Variants in PRKCH observed in about 807,000 individuals in gnomAD.
The protein encoded by PRKCH is protein kinase C eta, also known as protein kinase C eta type.
A neutral mutation model predicts 82.5 loss-of-function variants in PRKCH; 28 were observed. That is an observed-to-expected ratio of 0.34 (90% CI 0.25 to 0.47). The LOEUF is 0.47. Among genes scored for constraint, PRKCH ranks in the 20% least tolerant of loss-of-function variants. The probability of loss-of-function intolerance (pLI) is 1.00; values close to 1 mark genes in which losing one functional copy is unlikely to be tolerated. For synonymous variants in PRKCH, 322 were observed against 327.4 expected, an observed-to-expected ratio of 0.98 and a Z score of 0.18; for missense variants, 705 against 881.8, an observed-to-expected ratio of 0.80 and a Z score of 2.54.
chr14:61,210,952 C>T (rs975143397), intron 1 of PRKCH, among the ~76,000 whole-genome samples: 20 of 152,068 alleles, frequency 1.3e-4, no homozygotes, highest in Non-Finnish European at 2.8e-4. Flanking sequence ...TAGCGTTAAC[C>T]CAAAAGTCCA....
chr14:61,255,512 C>G (rs766369964), intron 1 of PRKCH, among the ~76,000 whole-genome samples: 2 of 151,850 alleles, frequency 1.3e-5, no homozygotes, highest in Non-Finnish European at 2.9e-5. Flanking sequence ...TTTTTCTGTC[C>G]GAAGAAGAGA....
chr14:61,273,992 C>T (rs1315810404), intron 1 of PRKCH, among the ~76,000 whole-genome samples: 1 of 152,172 alleles, frequency 6.6e-6, no homozygotes, highest in African/African-American at 2.4e-5. Flanking sequence ...TCTTGTAGGA[C>T]TAGCAGCCTG....
At chr14:61,297,260 A>C (rs1375720389) in intron 1 of PRKCH, among the ~76,000 whole-genome samples, 2 of 152,222 alleles carry the variant, frequency 1.3e-5, no homozygotes, top group African/African-American at 4.8e-5. Context: ...AAAATTTGCC[A>C]ATGTTACAGT....
In PRKCH at chr14:61,529,557, A is replaced by G. The variant is rs972602036; in HGVS notation, c.1572+344A>G. 7.2e-5 allele frequency among the ~76,000 whole-genome samples: 11 copies of G among 151,984 alleles called. No individual in the cohort carries two copies. The East Asian group carries it at 1.2e-3, about 16-fold the overall frequency. On this transcript the variant is annotated intron_variant, in intron 11 of 13. Transcript: ENST00000332981. ...TAAGAAAATGTGGCACATATACACCATGGAATACTATGCAGCCATGAAAAA... is the reference window on the plus strand; with the variant it reads ...TAAGAAAATGTGGCACATATACACCGTGGAATACTATGCAGCCATGAAAAA...
intron 1 of PRKCH, among the ~76,000 whole-genome samples, chr14:61,223,898 C>T (rs909958085): frequency 2.6e-5 from 4 of 152,210 alleles, no homozygotes; most frequent in Non-Finnish European, 4.4e-5. Context: ...GTCTGGCCCT[C>T]ATTTAGTATG....
chr14:61,490,497 G>A (rs1886407207), intron 10 of PRKCH, among the ~76,000 whole-genome samples: 1 of 152,198 alleles, frequency 6.6e-6, no homozygotes, highest in Non-Finnish European at 1.5e-5. Flanking sequence ...AATCATGAGG[G>A]TCCACAGGTG....
chr14:61,250,835 A>G (rs1197522425), intron 1 of PRKCH, among the ~76,000 whole-genome samples: 1 of 152,180 alleles, frequency 6.6e-6, no homozygotes, highest in Non-Finnish European at 1.5e-5. Flanking sequence ...GGCAAGAAGT[A>G]GATGGGAACT....
intron 1 of PRKCH, among the ~76,000 whole-genome samples, chr14:61,256,260 T>C (rs879556030): frequency 6.6e-6 from 1 of 152,188 alleles, no homozygotes; most frequent in Non-Finnish European, 1.5e-5. Context: ...AAATGAATCA[T>C]ACAAAAAGGT....
intron 10 of PRKCH, among the ~76,000 whole-genome samples, chr14:61,501,118 A>G (rs1324761256): frequency 6.6e-6 from 1 of 152,230 alleles, no homozygotes; most frequent in South Asian, 2.1e-4. Context: ...TGAGGATAAC[A>G]GTACTATCCA....
intron 1 of PRKCH, among the ~76,000 whole-genome samples, chr14:61,292,321 A>G (rs2045370551): frequency 6.6e-6 from 1 of 151,780 alleles, no homozygotes. Flanking sequence ...CAAAAAAAAA[A>G]AAAAAATTTA....
chr14:61,400,016 T>G (rs1434243478), intron 2 of PRKCH, among the ~76,000 whole-genome samples: 1 of 152,228 alleles, frequency 6.6e-6, no homozygotes, highest in Non-Finnish European at 1.5e-5. Context: ...CACTTGAATT[T>G]TGGCATCTGC....
At chr14:61,205,815 C>T (rs912528060) in intron 1 of PRKCH, among the ~76,000 whole-genome samples, 4 of 152,190 alleles carry the variant, frequency 2.6e-5, no homozygotes, top group Admixed American at 1.3e-4. Flanking sequence ...AGAGGAATTC[C>T]GTACTGTTCC....
intron 9 of PRKCH, among the ~76,000 whole-genome samples, chr14:61,485,124 T>G (rs970021879): frequency 1.3e-5 from 2 of 152,172 alleles, no homozygotes; most frequent in African/African-American, 4.8e-5. Context: ...TGTCCTTTAC[T>G]TTGGGTAATT....
rs549707625 is a variant in PRKCH at position 61,265,106 on chromosome 14, T to C, written c.-19+77438T>C. Among the ~76,000 whole-genome samples, 17 of 152,302 alleles carry C rather than the reference T, an allele frequency of 1.1e-4. No individual in the cohort carries two copies. In the East Asian group the frequency reaches 3.3e-3, roughly 29 times the overall value. Reference sequence around the variant, plus strand: ...ATCCAAAACAATCCTCAACATAACCTTTTTCAAATTCTCAGTGGAAAATAA... The same window carrying C: ...ATCCAAAACAATCCTCAACATAACCCTTTTCAAATTCTCAGTGGAAAATAA... On this transcript the variant is annotated intron_variant, in intron 1 of 3. Transcript: ENST00000555185.
intron 1 of PRKCH, among the ~76,000 whole-genome samples, chr14:61,386,992 C>A (rs548091992): frequency 1.3e-5 from 2 of 152,172 alleles, no homozygotes; most frequent in African/African-American, 2.4e-5. Flanking sequence ...AATGATGTTA[C>A]GAAGAGCTGT....
At chr14:61,415,637 A>G (rs1005184782) in intron 2 of PRKCH, among the ~76,000 whole-genome samples, 1 of 152,128 alleles carries the variant, frequency 6.6e-6, no homozygotes, top group Non-Finnish European at 1.5e-5. Flanking sequence ...GTCTGGTTCC[A>G]TATCTTTCCT....
chr14:61,280,862 A>C lies in PRKCH; in HGVS notation c.-19+93194A>C. ...AAGAGCTCGGGCAGCGAGAAGTACCAGGCGCACGAGCAGGGGGGCGGCAGC... is the reference window on the plus strand; with the variant it reads ...AAGAGCTCGGGCAGCGAGAAGTACCCGGCGCACGAGCAGGGGGGCGGCAGC... On this transcript the variant is annotated intron_variant, in intron 1 of 3. Transcript: ENST00000555185. The surrounding 1 kb of genome is among the most constrained non-coding windows in gnomAD (Gnocchi z 5.0). 6.4e-7 allele frequency: 1 copy of C among 1,568,192 alleles called. No individual in the cohort carries two copies. The highest frequency in any genetic ancestry group is 8.6e-7 in the Non-Finnish European group (1 of 1,165,262).
chr14:61,202,207 T>C (rs1375055092), intron 1 of PRKCH, among the ~76,000 whole-genome samples: 1 of 152,182 alleles, frequency 6.6e-6, no homozygotes, highest in Admixed American at 6.5e-5. Context: ...CCTATCTGAA[T>C]GCTATTACAC....
At chr14:61,411,389 G>T (rs1882261536) in intron 2 of PRKCH, among the ~76,000 whole-genome samples, 1 of 152,158 alleles carries the variant, frequency 6.6e-6, no homozygotes, top group African/African-American at 2.4e-5. Context: ...TTAAACTGAT[G>T]GGATGGTTCT....
Sources: gnomAD v4.1 joint callset for allele counts (sites outside exome capture counted in the v4.1 genomes callset) on GRCh38, gnomAD v4.1.1 for gene constraint, Gnocchi (gnomAD v3.1) non-coding constraint, MANE v1.5 for transcripts, NCBI Gene and HGNC (gene_info 2026-07-23, HGNC 2026-07-21) for gene names.